The following MSR1 variants were observed in gnomAD, a reference collection of about 807,000 sequenced individuals.
MSR1 encodes the protein macrophage scavenger receptor 1.
MSR1 carries 53 observed loss-of-function variants against 47.2 expected under a neutral mutation model. That is an observed-to-expected ratio of 1.12 (90% CI 0.90 to 1.41). The LOEUF is 1.41. Ranked by LOEUF, MSR1 falls within the 40% of genes most tolerant of loss-of-function variation. The pLI is 0.00. For missense variants in MSR1, 786 were observed against 546.9 expected (o/e 1.44, Z -4.36); for synonymous variants, 239 against 185.6 (o/e 1.29, Z -2.34).
At chr8:16,122,713 G>GAAAC (rs1486826528) in intron 8 of MSR1, among the ~76,000 whole-genome samples, 3 of 151,942 alleles carry the variant, frequency 2.0e-5, no homozygotes, top group Non-Finnish European at 4.4e-5. Flanking sequence ...TATTATATCA[G>GAAAC]AAACAGATAG....
intron 8 of MSR1, among the ~76,000 whole-genome samples, chr8:16,121,709 T>G (rs941241617): frequency 6.6e-6 from 1 of 151,760 alleles, no homozygotes; most frequent in Non-Finnish European, 1.5e-5. Flanking sequence ...AAAAGATAGC[T>G]TTTCAAATAT....
chr8:16,155,347 G>A (rs1800976273), intron 5 of MSR1, among the ~76,000 whole-genome samples: 1 of 151,924 alleles, frequency 6.6e-6, no homozygotes, highest in Non-Finnish European at 1.5e-5. Context: ...GGATGACATT[G>A]CCTCAAAGTA....
chr8:16,133,128 G>T (rs1800303132), intron 8 of MSR1, among the ~76,000 whole-genome samples: 1 of 151,938 alleles, frequency 6.6e-6, no homozygotes, highest in African/African-American at 2.4e-5. Context: ...ACAGTTTGTG[G>T]AAAAAAGCAA....
At chr8:16,171,839 G>A (rs372072658) in intron 3 of MSR1, among the ~76,000 whole-genome samples, 13 of 152,190 alleles carry the variant, frequency 8.5e-5, no homozygotes, top group South Asian at 2.1e-4. Flanking sequence ...ATAAACTATG[G>A]CGTTGGACAA....
chr8:16,150,456 G>T, intron 6 of MSR1, 145 bp from the exon 7 acceptor site: 1 of 350,196 alleles, frequency 2.9e-6, no homozygotes, highest in Non-Finnish European at 5.2e-6. Flanking sequence ...AAAATTTAAT[G>T]TTTGACATTG....
At chr8:16,188,785 G>C (rs1191464096) in intron 1 of MSR1, among the ~76,000 whole-genome samples, 3 of 151,678 alleles carry the variant, frequency 2.0e-5, no homozygotes, top group Non-Finnish European at 4.4e-5. Context: ...TCCTCTGTTA[G>C]TTTGCTGAGA....
Position 16,168,807 on chromosome 8 carries a change from G to C in MSR1, c.281C>G (p.Thr94Ser), listed in dbSNP as rs751100413. The part of the protein sequence containing the change: ...SVSSTNANDI[T>S]QSLTGKGNDS... Reference sequence around the variant, plus strand: ...ATTTCCTTTTCCCGTGAGACTTTGAGTTATATCATTTGCATTAGTTGAACT... The same window carrying C: ...ATTTCCTTTTCCCGTGAGACTTTGACTTATATCATTTGCATTAGTTGAACT... Residue 94 changes from threonine to serine, a missense_variant, in exon 4 of 10, where the codon ACT (threonine) becomes AGT (serine). Coordinates refer to ENST00000262101, the MANE Select transcript of MSR1 (RefSeq NM_138715.3). 1.9e-6 allele frequency: 3 copies of C among 1,613,924 alleles called. No individual in the cohort carries two copies. Among genetic ancestry groups the C allele is most frequent in the Non-Finnish European group, 1.7e-6 (2 of 1,179,972 alleles).
chr8:16,124,987 A>T (rs1290991207), intron 8 of MSR1, among the ~76,000 whole-genome samples: 1 of 152,160 alleles, frequency 6.6e-6, no homozygotes, highest in African/African-American at 2.4e-5. Flanking sequence ...AAACAGAAAA[A>T]TCATGAAGGA....
chr8:16,140,177 T>C, intron 8 of MSR1: 3 of 985,156 alleles, frequency 3.0e-6, no homozygotes, highest in Non-Finnish European at 3.6e-6. Flanking sequence ...TTATCAATAC[T>C]CATGACAGTT....
chr8:16,158,366 T>C (rs1801067111), intron 5 of MSR1, among the ~76,000 whole-genome samples: 1 of 151,978 alleles, frequency 6.6e-6, no homozygotes, highest in Admixed American at 6.6e-5. Flanking sequence ...AGTACTGATA[T>C]ATAATATTTG....
intron 8 of MSR1, among the ~76,000 whole-genome samples, chr8:16,142,902 T>C: frequency 6.6e-6 from 1 of 152,128 alleles, no homozygotes; most frequent in East Asian, 1.9e-4. Context: ...TCATAATCCT[T>C]TCATTATATC....
At chr8:16,149,471 T>A (rs907341915) in intron 7 of MSR1, among the ~76,000 whole-genome samples, 14 of 152,028 alleles carry the variant, frequency 9.2e-5, no homozygotes, top group African/African-American at 3.4e-4. Context: ...TAAGCAATCC[T>A]CCCACCTCAG....
rs545863384 is a variant in MSR1 at position 16,158,958 on chromosome 8, T to C, written c.818-3814A>G. ...TTTTTTTTTTTTTTTTTTTCAGAGA[T>C]AGGGTCTTGCTACTTTGCCTAGGCT... On this transcript the variant is annotated intron_variant, in intron 5 of 9. Coordinates refer to ENST00000262101, the MANE Select transcript of MSR1 (RefSeq NM_138715.3). Among the ~76,000 whole-genome samples the C allele has an allele frequency of 5.6e-3, 709 of 127,660 alleles. 4 individuals carry two copies. Among genetic ancestry groups the C allele is most frequent in the Non-Finnish European group, 8.6e-3 (542 of 62,878 alleles). The allele number at this position is 127,660 out of a possible 152,430, so 83.7% of individuals were successfully genotyped here. A position where few individuals can be genotyped will look rare whatever the true frequency, so the allele number is the denominator to read the frequency against.
At chr8:16,125,846 A>T (rs2117073663) in intron 8 of MSR1, among the ~76,000 whole-genome samples, 1 of 152,184 alleles carries the variant, frequency 6.6e-6, no homozygotes, top group Non-Finnish European at 1.5e-5. Flanking sequence ...AGCTCACTGC[A>T]GCCTCAAACT....
At chr8:16,118,408 G>C (rs1427274749) in intron 9 of MSR1, among the ~76,000 whole-genome samples, 1 of 152,144 alleles carries the variant, frequency 6.6e-6, no homozygotes, top group East Asian at 1.9e-4. Context: ...GTGGATGTTA[G>C]TTATCATAGA....
chr8:16,151,486 T>C (rs1021542653), intron 6 of MSR1, among the ~76,000 whole-genome samples: 3 of 152,150 alleles, frequency 2.0e-5, no homozygotes, highest in Non-Finnish European at 4.4e-5. Flanking sequence ...GTTCAAAATG[T>C]AGTCCCCAAA....
chr8:16,138,988 A>G (rs1800459636), intron 8 of MSR1, among the ~76,000 whole-genome samples: 1 of 152,058 alleles, frequency 6.6e-6, no homozygotes, highest in Non-Finnish European at 1.5e-5. Context: ...CTCTTGTTTT[A>G]TTAGCCTGAC....
chr8:16,156,816 A>C (rs1055557917), intron 5 of MSR1, among the ~76,000 whole-genome samples: 1 of 151,902 alleles, frequency 6.6e-6, no homozygotes. Flanking sequence ...ACATATATTT[A>C]AATGCTGCAC....
chr8:16,164,666 T>A, intron 4 of MSR1, among the ~76,000 whole-genome samples: 1 of 152,018 alleles, frequency 6.6e-6, no homozygotes, highest in East Asian at 1.9e-4. Flanking sequence ...GAAATTGTTT[T>A]ATAGTAATAA....
Sources: gnomAD v4.1 joint callset for allele counts (sites outside exome capture counted in the v4.1 genomes callset) on GRCh38, gnomAD v4.1.1 for gene constraint, MANE v1.5 for transcripts, NCBI Gene and HGNC (gene_info 2026-07-23, HGNC 2026-07-21) for gene names.